The following MS4A4A variants were observed in gnomAD, a reference collection of about 807,000 sequenced individuals.
MS4A4A encodes membrane-spanning 4-domains subfamily A member 4A.
In MS4A4A, 26 loss-of-function variants were observed where a neutral mutation model predicts 28.0. That is an observed-to-expected ratio of 0.93 (90% CI 0.68 to 1.29). MS4A4A has a LOEUF of 1.29. Among genes scored for constraint, MS4A4A ranks in the 50% most tolerant of loss-of-function variants. MS4A4A has a pLI of 0.00. For synonymous variants in MS4A4A, 86 were observed against 100.8 expected, an observed-to-expected ratio of 0.85 and a Z score of 0.88; for missense variants, 290 against 293.1, an observed-to-expected ratio of 0.99 and a Z score of 0.08.
At chr11:60,294,009 C>A (rs899483970) in intron 2 of MS4A4A, among the ~76,000 whole-genome samples, 1 of 152,128 alleles carries the variant, frequency 6.6e-6, no homozygotes, top group Non-Finnish European at 1.5e-5. Context: ...AGTAAGAGTA[C>A]GTTTAGTTTT....
At chr11:60,292,155 C>A in intron 1 of MS4A4A, 70 bp from the exon 2 acceptor site, 2 of 1,461,206 alleles carry the variant, frequency 1.4e-6, no homozygotes, top group Non-Finnish European at 1.8e-6. Context: ...AGGGAGGAAC[C>A]TGCCCCAAAG....
At chr11:60,286,270 A>C (rs2084803051) in intron 1 of MS4A4A, among the ~76,000 whole-genome samples, 1 of 152,220 alleles carries the variant, frequency 6.6e-6, no homozygotes, top group Admixed American at 6.5e-5. Flanking sequence ...CAATTTGTGC[A>C]GTTAACGCAA....
At chr11:60,297,660 G>A (rs2084918158) in intron 3 of MS4A4A, among the ~76,000 whole-genome samples, 1 of 152,296 alleles carries the variant, frequency 6.6e-6, no homozygotes, top group Non-Finnish European at 1.5e-5. Context: ...TCATTCAGTG[G>A]TGCAAGGATT....
chr11:60,307,464 T>C (rs960939601), intron 6 of MS4A4A, among the ~76,000 whole-genome samples: 1 of 152,234 alleles, frequency 6.6e-6, no homozygotes, highest in Non-Finnish European at 1.5e-5. Context: ...CGTTTGGACA[T>C]GGAGGCAAAC....
At chr11:60,294,243 A>G (rs149246789) in intron 2 of MS4A4A, among the ~76,000 whole-genome samples, 37 of 152,120 alleles carry the variant, frequency 2.4e-4, no homozygotes, top group African/African-American at 8.7e-4. Flanking sequence ...TTTCTTTACC[A>G]TCTCTATATC....
chr11:60,297,457 T>G (rs1007583311), intron 3 of MS4A4A, 132 bp downstream of exon 3: 1 of 955,660 alleles, frequency 1.0e-6, no homozygotes, highest in African/African-American at 1.7e-5. Flanking sequence ...CATTTCTTAC[T>G]CAATTTTCTC....
intron 6 of MS4A4A, among the ~76,000 whole-genome samples, chr11:60,306,749 C>T (rs973592203): frequency 2.0e-5 from 3 of 152,210 alleles, no homozygotes; most frequent in African/African-American, 7.2e-5. Flanking sequence ...CTTCCTTTCT[C>T]CCTCGAAGTG....
intron 1 of MS4A4A, among the ~76,000 whole-genome samples, chr11:60,287,336 G>A (rs375654186): frequency 2.1e-4 from 32 of 152,274 alleles, no homozygotes; most frequent in East Asian, 7.7e-4. Context: ...GGAAGTGAGC[G>A]TACAAAGCAG....
At chr11:60,298,230 T>C (rs1299241599) in intron 3 of MS4A4A, among the ~76,000 whole-genome samples, 1 of 152,164 alleles carries the variant, frequency 6.6e-6, no homozygotes, top group Non-Finnish European at 1.5e-5. Flanking sequence ...TGGGTTTATG[T>C]TAGAATCAGG....
Position 60,308,296 on chromosome 11 carries a change from T to C in MS4A4A, c.*118T>C. ...GATACTGATAGACTTGTTGATATTATTATTATATGTAATCCAATTATGAAC... is the reference window on the plus strand; with the variant it reads ...GATACTGATAGACTTGTTGATATTACTATTATATGTAATCCAATTATGAAC... On this transcript the variant is annotated 3_prime_UTR_variant, in exon 7 of 7. Transcript: ENST00000337908. 1.2e-6 allele frequency: 1 copy of C among 816,480 alleles called. No individual in the cohort carries two copies. The highest frequency in any genetic ancestry group is 2.0e-6 in the Non-Finnish European group (1 of 501,990). The allele number at this position is 816,480 out of a possible 1,614,324, so 50.6% of individuals were successfully genotyped here.
intron 2 of MS4A4A, among the ~76,000 whole-genome samples, chr11:60,293,735 ATTGCG>A: frequency 6.6e-6 from 1 of 152,150 alleles, no homozygotes; most frequent in South Asian, 2.1e-4. Flanking sequence ...TTTTTTTTAG[ATTGCG>A]TTCTTTCACC....
rs760648433 is a variant in MS4A4A at position 60,300,615 on chromosome 11, C to CAAAAAAAAAAA, written c.331-368_331-358dup. 9.2e-4 allele frequency among the ~76,000 whole-genome samples: 33 copies of CAAAAAAAAAAA among 35,998 alleles called. 1 individual carries two copies. Among genetic ancestry groups the CAAAAAAAAAAA allele is most frequent in the Non-Finnish European group, 1.1e-3 (22 of 19,156 alleles). 23.6% of individuals were successfully genotyped at this position (35,998 alleles called of 152,430 possible). A position where few individuals can be genotyped will look rare whatever the true frequency, so the allele number is the denominator to read the frequency against. ...TGGGCGACAGAGCGAGACTCCGTCT[C>CAAAAAAAAAAA]AAAAAAAAAAAAAAAAAAAAAAAAA... On this transcript the variant is annotated intron_variant, in intron 3 of 6. Coordinates refer to ENST00000337908, the MANE Select transcript of MS4A4A (RefSeq NM_148975.3).
In MS4A4A at chr11:60,306,084, A is replaced by G; in HGVS notation, c.547-16A>G. On this transcript the variant is annotated splice_polypyrimidine_tract_variant and intron_variant, in intron 5 of 6. Transcript: ENST00000337908. ...TCTCCATTTCTCACATTCCTTTGTTATGAGTTTTCTCCTAGGGTCTGGATG... is the reference window on the plus strand; with the variant it reads ...TCTCCATTTCTCACATTCCTTTGTTGTGAGTTTTCTCCTAGGGTCTGGATG... 1.3e-6 allele frequency: 2 copies of G among 1,569,580 alleles called. No individual in the cohort carries two copies. Among genetic ancestry groups the G allele is most frequent in the Non-Finnish European group, 1.7e-6 (2 of 1,143,036 alleles).
intron 1 of MS4A4A, chr11:60,282,486 T>C (rs1012764843): frequency 1.1e-6 from 1 of 946,166 alleles, no homozygotes; most frequent in South Asian, 1.5e-5. Context: ...ATGTGGGCAA[T>C]GGTGGGGAAG....
intron 1 of MS4A4A, among the ~76,000 whole-genome samples, chr11:60,284,947 C>T (rs960145422): frequency 2.0e-5 from 3 of 152,074 alleles, no homozygotes; most frequent in Non-Finnish European, 2.9e-5. Context: ...ACCAACTGCC[C>T]CAGAAGGGAG....
chr11:60,282,899 T>G (rs892439472), intron 1 of MS4A4A, among the ~76,000 whole-genome samples: 2 of 152,142 alleles, frequency 1.3e-5, no homozygotes, highest in Non-Finnish European at 2.9e-5. Context: ...ACAACATCAG[T>G]GGTGGATTGA....
intron 2 of MS4A4A, among the ~76,000 whole-genome samples, chr11:60,293,205 G>T (rs1374530312): frequency 6.6e-6 from 1 of 152,116 alleles, no homozygotes; most frequent in South Asian, 2.1e-4. Flanking sequence ...TTACAGGCAT[G>T]AGCCATCACA....
At position 60,292,311 on chromosome 11, in the gene MS4A4A, T is replaced by C. The variant is rs2084864355; in HGVS notation, c.128T>C (p.Met43Thr). 3 of 1,610,238 alleles carry C rather than the reference T, an allele frequency of 1.9e-6. No homozygotes were observed. Among genetic ancestry groups the C allele is most frequent in the Non-Finnish European group, 2.5e-6 (3 of 1,178,340 alleles). ...CCTGGTGTGCCCCAGCTGGGAAACA[T>C]GGCTGTCATACATTCACATCTGTGG... is the stretch of plus-strand genomic sequence containing the variant. ...AGPGVPQLGN[M>T]AVIHSHLWKG... is the part of the protein sequence containing the mutation. The change falls in exon 2 of 7, where the codon ATG becomes ACG. Residue 43 changes from methionine to threonine, a missense_variant. Coordinates refer to ENST00000337908, the MANE Select transcript of MS4A4A (RefSeq NM_148975.3).
intron 1 of MS4A4A, among the ~76,000 whole-genome samples, chr11:60,290,482 T>C (rs1329794264): frequency 1.3e-5 from 2 of 152,150 alleles, no homozygotes; most frequent in Non-Finnish European, 1.5e-5. Flanking sequence ...TTCGGAACTT[T>C]TCTAAAAGTG....
Sources: allele counts gnomAD v4.1 joint callset (sites outside exome capture counted in the v4.1 genomes callset), GRCh38; gene constraint gnomAD v4.1.1; transcripts MANE v1.5; gene names NCBI Gene and HGNC (gene_info 2026-07-23, HGNC 2026-07-21).